Variants in CYB5RL observed in about 807,000 individuals in gnomAD.
CYB5RL encodes NADH-cytochrome b5 reductase-like.
CYB5RL carries 38 observed loss-of-function variants against 37.5 expected under a neutral mutation model. The observed-to-expected ratio is 1.01, with a 90% CI of 0.78 to 1.33. The LOEUF (loss-of-function observed/expected upper bound fraction) is 1.33. Ranked by LOEUF, CYB5RL falls within the 40% of genes most tolerant of loss-of-function variation. The probability of loss-of-function intolerance (pLI) is 0.00; values close to 1 mark genes in which losing one functional copy is unlikely to be tolerated. For missense variants in CYB5RL, 388 were observed against 394.4 expected, an observed-to-expected ratio of 0.98 and a Z score of 0.14; for synonymous variants, 141 against 151.9, an observed-to-expected ratio of 0.93 and a Z score of 0.53.
At chr1:54,187,603 C>T (rs779457352) in intron 5 of CYB5RL, 49 bp downstream of exon 5, 1 of 1,571,500 alleles carries the variant, frequency 6.4e-7, no homozygotes, top group Non-Finnish European at 8.8e-7. Flanking sequence ...CATTCTTAGA[C>T]CCATAGCTTC....
In CYB5RL at chr1:54,179,134, C is replaced by A; in HGVS notation, c.744+15G>T. The A allele has an allele frequency of 6.2e-7, 1 of 1,608,210 alleles. No individual in the cohort carries two copies. Among genetic ancestry groups the A allele is most frequent in the Non-Finnish European group, 8.5e-7 (1 of 1,177,550 alleles). On this transcript the variant is annotated intron_variant, in intron 7 of 7. Transcript: ENST00000534324. Reference sequence around the variant, plus strand: ...GAGTCTCAATCAAAAAAGAAAGTCACCACCCTGGGCTCACCTGGCTGAGTA... The same window carrying A: ...GAGTCTCAATCAAAAAAGAAAGTCAACACCCTGGGCTCACCTGGCTGAGTA...
At chr1:54,198,426 G>A (rs777729856) in intron 1 of CYB5RL, among the ~76,000 whole-genome samples, 3 of 150,172 alleles carry the variant, frequency 2.0e-5, no homozygotes, top group African/African-American at 2.5e-5. Flanking sequence ...TCTGCCTCCC[G>A]GGTTCACATC....
At chr1:54,182,718 AT>A (rs980985990) in intron 6 of CYB5RL, among the ~76,000 whole-genome samples, 2 of 151,962 alleles carry the variant, frequency 1.3e-5, no homozygotes, top group Admixed American at 1.3e-4. Flanking sequence ...CCTGGCTAGT[AT>A]TTTTTGTATT....
chr1:54,171,593 G>A lies in CYB5RL; in HGVS notation c.*3026C>T. On this transcript the variant is annotated 3_prime_UTR_variant, in exon 8 of 8. Coordinates refer to ENST00000534324, the MANE Select transcript of CYB5RL (RefSeq NM_001031672.4). Reference sequence around the variant, plus strand: ...TAGCTGTTGCCTTCCTGAAGCTTGGGATGCATATGCACAAAGAGAGCTCTG... The same window carrying A: ...TAGCTGTTGCCTTCCTGAAGCTTGGAATGCATATGCACAAAGAGAGCTCTG... 2.7e-6 allele frequency: 1 copy of A among 376,618 alleles called. No individual in the cohort carries two copies. The highest frequency in any genetic ancestry group is 5.3e-6 in the Non-Finnish European group (1 of 188,568). The allele number at this position is 376,618 out of a possible 1,614,324, so 23.3% of individuals were successfully genotyped here.
chr1:54,188,879 G>C (rs887367175), intron 4 of CYB5RL, among the ~76,000 whole-genome samples: 2 of 152,180 alleles, frequency 1.3e-5, no homozygotes, highest in Non-Finnish European at 2.9e-5. Flanking sequence ...GGGCTGGACA[G>C]AAATATTTAA....
chr1:54,193,307 G>T (rs959809942), intron 3 of CYB5RL, among the ~76,000 whole-genome samples: 1 of 152,194 alleles, frequency 6.6e-6, no homozygotes. Flanking sequence ...TGATATTTTG[G>T]CAAGAAGATG....
chr1:54,192,428 G>A (rs1044951854), intron 3 of CYB5RL, among the ~76,000 whole-genome samples: 12 of 151,654 alleles, frequency 7.9e-5, no homozygotes, highest in African/African-American at 1.7e-4. Context: ...CAGGTGATCC[G>A]CCCACTTTGG....
chr1:54,181,103 G>A lies in CYB5RL; in HGVS notation c.541-1751C>T, dbSNP rs1395785373. ...CCCTCCCTAAGCTGCTGAGACTCAC[G>A]CCTGGCAGCTGTTGCTGTGTCTGTG... On this transcript the variant is annotated intron_variant, in intron 6 of 7. Coordinates refer to ENST00000534324, the MANE Select transcript of CYB5RL (RefSeq NM_001031672.4). Among the ~76,000 whole-genome samples, 3 of 152,210 alleles carry A rather than the reference G, an allele frequency of 2.0e-5. No homozygotes were observed. The East Asian group carries it at 5.8e-4, about 29-fold the overall frequency.
intron 3 of CYB5RL, among the ~76,000 whole-genome samples, chr1:54,194,918 GC>G (rs746048491): frequency 6.6e-6 from 1 of 152,198 alleles, no homozygotes; most frequent in Non-Finnish European, 1.5e-5. Context: ...ACAATAAAGG[GC>G]TAAACTGCTT....
At chr1:54,182,432 G>A (rs937080462) in intron 6 of CYB5RL, among the ~76,000 whole-genome samples, 1 of 151,910 alleles carries the variant, frequency 6.6e-6, no homozygotes, top group African/African-American at 2.4e-5. Context: ...GCCATAAGAT[G>A]GGTGTGTCTG....
intron 4 of CYB5RL, among the ~76,000 whole-genome samples, chr1:54,189,988 A>T (rs1373372586): frequency 6.6e-6 from 1 of 152,038 alleles, no homozygotes; most frequent in East Asian, 1.9e-4. Flanking sequence ...CTTTCCATGC[A>T]CACATTTTCC....
chr1:54,198,567 G>A (rs1644037612), intron 1 of CYB5RL, among the ~76,000 whole-genome samples: 2 of 150,204 alleles, frequency 1.3e-5, no homozygotes, highest in South Asian at 2.1e-4. Flanking sequence ...TCCTGACCTC[G>A]TGATCCACCT....
chr1:54,178,083 C>T (rs766178083), intron 7 of CYB5RL, among the ~76,000 whole-genome samples: 16 of 152,302 alleles, frequency 1.1e-4, no homozygotes, highest in Middle Eastern at 3.4e-3. Context: ...GGGCACTTTC[C>T]GCTGCTATAA....
intron 3 of CYB5RL, among the ~76,000 whole-genome samples, chr1:54,193,170 T>C (rs1217665967): frequency 6.6e-6 from 1 of 152,228 alleles, no homozygotes; most frequent in African/African-American, 2.4e-5. Context: ...TGGTACTTAG[T>C]AGATCTTGGA....
At position 54,172,568 on chromosome 1, in the gene CYB5RL, C is replaced by T. The variant is rs1393221699; in HGVS notation, c.*2051G>A. 2 of 152,272 alleles carry T rather than the reference C, an allele frequency of 1.3e-5. No homozygotes were observed. The highest frequency in any genetic ancestry group is 2.9e-5 in the Non-Finnish European group (2 of 68,136). The allele number at this position is 152,272 out of a possible 1,614,324, so 9.4% of individuals were successfully genotyped here. A position where few individuals can be genotyped will look rare whatever the true frequency, so the allele number is the denominator to read the frequency against. ...GGCTCTCCCTAGACTAGGCTAAAGC[C>T]CCTGCCAACCACTCTCCCAGCACCC... On this transcript the variant is annotated 3_prime_UTR_variant, in exon 8 of 8. Coordinates refer to ENST00000534324, the MANE Select transcript of CYB5RL (RefSeq NM_001031672.4).
At chr1:54,195,978 T>C (rs1644004445) in intron 2 of CYB5RL, among the ~76,000 whole-genome samples, 1 of 152,186 alleles carries the variant, frequency 6.6e-6, no homozygotes, top group Non-Finnish European at 1.5e-5. Flanking sequence ...CTCTATGACT[T>C]CAGGAAGGTT....
Position 54,179,162 on chromosome 1 carries a change from A to C in CYB5RL, c.731T>G (p.Phe244Cys), listed in dbSNP as rs1660092851. ...QARFWNVRTF[F>C]VLSQESSSEQ... ...CCCTGGGCTCACCTGGCTGAGTACA[A>C]AGAAGGTACGGACATTCCAGAAACG... Residue 244 changes from phenylalanine to cysteine, a missense_variant, in exon 7 of 8, where the codon TTT becomes TGT. Phe to Cys is a radical substitution (Grantham distance 205). Coordinates refer to ENST00000534324, the MANE Select transcript of CYB5RL (RefSeq NM_001031672.4). 1.2e-6 allele frequency: 2 copies of C among 1,612,770 alleles called. No individual in the cohort carries two copies. Among genetic ancestry groups the C allele is most frequent in the Middle Eastern group, 1.6e-4 (1 of 6,062 alleles).
At chr1:54,180,317 C>T (rs947334485) in intron 6 of CYB5RL, 1 of 364,000 alleles carries the variant, frequency 2.7e-6, no homozygotes, top group Admixed American at 3.7e-5. Flanking sequence ...TATTTCCAGG[C>T]TCTAGGCCTC....
In CYB5RL at chr1:54,170,791, T is replaced by A; in HGVS notation, c.*3828A>T. 1 of 279,048 alleles carries A rather than the reference T, an allele frequency of 3.6e-6. No homozygotes were observed. The highest frequency in any genetic ancestry group is 7.1e-6 in the Non-Finnish European group (1 of 140,246). The allele number at this position is 279,048 out of a possible 1,614,324, so 17.3% of individuals were successfully genotyped here. A position where few individuals can be genotyped will look rare whatever the true frequency, so the allele number is the denominator to read the frequency against. ...TACCACAATCACATGCTGGAACTTG[T>A]GTATCCCTACATGACCTTGGAAAAT... On this transcript the variant is annotated 3_prime_UTR_variant, in exon 8 of 8. Coordinates refer to ENST00000534324, the MANE Select transcript of CYB5RL (RefSeq NM_001031672.4).
Sources: gnomAD v4.1 joint callset for allele counts (sites outside exome capture counted in the v4.1 genomes callset) on GRCh38, gnomAD v4.1.1 for gene constraint, MANE v1.5 for transcripts, NCBI Gene and HGNC (gene_info 2026-07-23, HGNC 2026-07-21) for gene names.